MLLT1: variants seen among roughly 807,000 people sequenced by gnomAD.
The protein encoded by MLLT1 is protein ENL.
MLLT1 carries 11 observed loss-of-function variants against 55.1 expected under a neutral mutation model. That is an observed-to-expected ratio of 0.20 (90% CI 0.13 to 0.33). The LOEUF (loss-of-function observed/expected upper bound fraction) is 0.33. Ranked by LOEUF, MLLT1 falls within the 10% of genes least tolerant of loss-of-function variation. The pLI is 1.00. For missense variants in MLLT1, 536 were observed against 760.6 expected (o/e 0.70, Z 3.47); for synonymous variants, 323 against 320.1 (o/e 1.01, Z -0.10).
At position 6,262,820 on chromosome 19, in the gene MLLT1, T is replaced by C. The variant is rs1234547299; in HGVS notation, c.194-510A>G. 6.6e-6 allele frequency among the ~76,000 whole-genome samples: 1 copy of C among 151,918 alleles called. No homozygotes were observed. Among genetic ancestry groups the C allele is most frequent in the Non-Finnish European group, 1.5e-5 (1 of 67,988 alleles). On this transcript the variant is annotated intron_variant, in intron 2 of 11. Transcript: ENST00000252674. The surrounding 1 kb of genome is among the most constrained non-coding windows in gnomAD (Gnocchi z 4.4). ...TGGCTGGGACCCTCCTCCTGGGTTC[T>C]AGTTTAGCACCTAATAAGAGCATTC...
At position 6,273,906 on chromosome 19, in the gene MLLT1, G is replaced by A. The variant is rs1343281736; in HGVS notation, c.13-3147C>T. Among the ~76,000 whole-genome samples, 3 of 152,242 alleles carry A rather than the reference G, an allele frequency of 2.0e-5. No individual in the cohort carries two copies. Among genetic ancestry groups the A allele is most frequent in the Non-Finnish European group, 2.9e-5 (2 of 68,046 alleles). ...AGGCGGCAGAGCAGTTATTGTGAAA[G>A]AGTGAAAGACCGCGGTTCCACTGGA... On this transcript the variant is annotated intron_variant, in intron 1 of 11. Transcript: ENST00000252674. This position sits in a 1 kb window ranked among gnomAD's most constrained non-coding sequence, Gnocchi z 4.3.
intron 3 of MLLT1, among the ~76,000 whole-genome samples, chr19:6,249,858 A>G (rs1403793780): frequency 6.6e-6 from 1 of 152,110 alleles, no homozygotes; most frequent in East Asian, 1.9e-4. Flanking sequence ...CCTCATCTCT[A>G]CAAAAATACA....
intron 8 of MLLT1, among the ~76,000 whole-genome samples, chr19:6,214,888 C>A (rs2090823906): frequency 6.6e-6 from 1 of 152,206 alleles, no homozygotes; most frequent in South Asian, 2.1e-4. Context: ...CTGTTCCTGG[C>A]CTGCTCCTGC....
intron 8 of MLLT1, among the ~76,000 whole-genome samples, chr19:6,216,179 GCAGCCCTTGAGGC>G (rs766201991): frequency 8.5e-5 from 13 of 152,114 alleles, no homozygotes; most frequent in Non-Finnish European, 1.6e-4. Context: ...CCAGATGGGG[GCAGCCCTTGAGGC>G]CCTCAGCCTC....
rs1021622130 is a variant in MLLT1 at position 6,235,971 on chromosome 19, T to G, written c.277-5258A>C. Among the ~76,000 whole-genome samples the G allele has an allele frequency of 6.6e-6, 1 of 152,152 alleles. No individual in the cohort carries two copies. The highest frequency in any genetic ancestry group is 1.5e-5 in the Non-Finnish European group (1 of 68,032). On this transcript the variant is annotated intron_variant, in intron 3 of 11. Transcript: ENST00000252674. The surrounding 1 kb of genome is among the most constrained non-coding windows in gnomAD (Gnocchi z 5.5). ...CCTTACAGTCCAAAGCATGTCTGTC[T>G]TCTGTCCCAGCATCCCACTGACCCA...
chr19:6,262,633 C>T lies in MLLT1; in HGVS notation c.194-323G>A, dbSNP rs2091315307. 1.3e-5 allele frequency among the ~76,000 whole-genome samples: 2 copies of T among 152,150 alleles called. No homozygotes were observed. The highest frequency in any genetic ancestry group is 2.9e-5 in the Non-Finnish European group (2 of 68,012). On this transcript the variant is annotated intron_variant, in intron 2 of 11. Transcript: ENST00000252674. The surrounding 1 kb of genome is among the most constrained non-coding windows in gnomAD (Gnocchi z 4.4). ...AGGAGGCTGAGGCCAGAGAAGGCTG[C>T]ACAAGTTTGCCCGACTCAGGTGGAT... is the stretch of plus-strand genomic sequence containing the variant.
In MLLT1 at chr19:6,222,398, G is replaced by A; in HGVS notation, c.833C>T (p.Pro278Leu). ...PKGGPPPPPP[P>L]PPRASSKRPA... ...CCGCTTGCTGGAAGCCCGGGGTGGG[G>A]GTGGGGGTGGGGGTGGGGGCCCACC... Residue 278 changes from proline (P) to leucine (L), a missense_variant, in exon 6 of 12, where the codon CCC becomes CTC. This residue lies in a region of MLLT1 where 449 missense variants were observed against 489.0 expected (regional missense o/e 0.92). Coordinates refer to ENST00000252674, the MANE Select transcript of MLLT1 (RefSeq NM_005934.4). The surrounding 1 kb of genome is among the most constrained non-coding windows in gnomAD (Gnocchi z 4.1). The A allele has an allele frequency of 1.6e-5, 13 of 816,682 alleles. No homozygotes were observed. Among genetic ancestry groups the A allele is most frequent in the African/African-American group, 1.9e-5 (1 of 53,962 alleles). 50.6% of individuals were successfully genotyped at this position (816,682 alleles called of 1,614,324 possible).
In MLLT1 at chr19:6,240,863, C is replaced by T. The variant is rs564445659; in HGVS notation, c.277-10150G>A. 6.6e-6 allele frequency among the ~76,000 whole-genome samples: 1 copy of T among 152,158 alleles called. No homozygotes were observed. The highest frequency in any genetic ancestry group is 1.5e-5 in the Non-Finnish European group (1 of 68,038). On this transcript the variant is annotated intron_variant, in intron 3 of 11. Transcript: ENST00000252674. The surrounding 1 kb of genome is among the most constrained non-coding windows in gnomAD (Gnocchi z 4.7). ...GCAATTAGAAACCAAAAGGAGGAGG[C>T]AGAAATGCAGACACCACATTTTAAA...
Position 6,273,123 on chromosome 19 carries a change from G to A in MLLT1, c.13-2364C>T, listed in dbSNP as rs554876044. 1.5e-3 allele frequency among the ~76,000 whole-genome samples: 224 copies of A among 152,112 alleles called. No homozygotes were observed. Among genetic ancestry groups the A allele is most frequent in the African/African-American group, 5.1e-3 (212 of 41,478 alleles). ...AGGCCGGAGACAAAAGAAATAACCC[G>A]TCGTCATAAGTGGCTGACAGATATG... is the stretch of plus-strand genomic sequence containing the variant. On this transcript the variant is annotated intron_variant, in intron 1 of 11. Coordinates refer to ENST00000252674, the MANE Select transcript of MLLT1 (RefSeq NM_005934.4). The surrounding 1 kb of genome is among the most constrained non-coding windows in gnomAD (Gnocchi z 4.3).
chr19:6,275,190 C>T (rs2091421916), intron 1 of MLLT1, among the ~76,000 whole-genome samples: 1 of 152,244 alleles, frequency 6.6e-6, no homozygotes, highest in East Asian at 1.9e-4. Context: ...TCAATAGATG[C>T]CCTTCCTCTG....
chr19:6,215,795 G>A (rs549132686), intron 8 of MLLT1, among the ~76,000 whole-genome samples: 11 of 152,280 alleles, frequency 7.2e-5, no homozygotes, highest in South Asian at 2.1e-4. Flanking sequence ...CTGTGTGCCC[G>A]GGGCCAAGGC....
In MLLT1 at chr19:6,214,026, G is replaced by A. The variant is rs759791605; in HGVS notation, c.1320C>T (p.Ser440=). 9.7e-6 allele frequency: 14 copies of A among 1,446,466 alleles called. No individual in the cohort carries two copies. Among genetic ancestry groups the A allele is most frequent in the African/African-American group, 1.4e-5 (1 of 69,806 alleles). The allele number at this position is 1,446,466 out of a possible 1,614,324, so 89.6% of individuals were successfully genotyped here. A position where few individuals can be genotyped will look rare whatever the true frequency, so the allele number is the denominator to read the frequency against. ...NPGRDSRLSF[S]DSESDNSADS... ...CGGCGCTGTTGTCACTCTCGCTGTCGCTGAAGCTCAACCTGAACCGACACA... is the reference window on the plus strand; with the variant it reads ...CGGCGCTGTTGTCACTCTCGCTGTCACTGAAGCTCAACCTGAACCGACACA... Residue 440 remains serine, a synonymous_variant, in exon 9 of 12, where the codon AGC becomes AGT. Coordinates refer to ENST00000252674, the MANE Select transcript of MLLT1 (RefSeq NM_005934.4).
chr19:6,227,447 C>T lies in MLLT1; in HGVS notation c.421-345G>A, dbSNP rs1039296572. On this transcript the variant is annotated intron_variant, in intron 4 of 11. Transcript: ENST00000252674. The surrounding 1 kb of genome is among the most constrained non-coding windows in gnomAD (Gnocchi z 5.1). ...GCAGCTGCGGCCGAAGCCTGACCTA[C>T]GCGCTTAGGTTTAGGGGGAACAGCT... 2.0e-5 allele frequency among the ~76,000 whole-genome samples: 3 copies of T among 152,220 alleles called. No individual in the cohort carries two copies. Among genetic ancestry groups the T allele is most frequent in the Non-Finnish European group, 2.9e-5 (2 of 68,032 alleles).
chr19:6,219,790 A>G lies in MLLT1; in HGVS notation c.1111-1749T>C, dbSNP rs1460706292. Among the ~76,000 whole-genome samples the G allele has an allele frequency of 2.0e-5, 3 of 152,178 alleles. No individual in the cohort carries two copies. Among genetic ancestry groups the G allele is most frequent in the Non-Finnish European group, 4.4e-5 (3 of 68,032 alleles). On this transcript the variant is annotated intron_variant, in intron 6 of 11. Coordinates refer to ENST00000252674, the MANE Select transcript of MLLT1 (RefSeq NM_005934.4). The surrounding 1 kb of genome is among the most constrained non-coding windows in gnomAD (Gnocchi z 4.5). ...GGCTGCACAAGGTCAGCAGGGATGG[A>G]AGCAGAGAGGATGCTGAGCCCCGAG...
chr19:6,214,366 A>T (rs533400427), intron 8 of MLLT1, among the ~76,000 whole-genome samples: 11 of 152,312 alleles, frequency 7.2e-5, no homozygotes, highest in Non-Finnish European at 1.3e-4. Flanking sequence ...TGTGGCTTTA[A>T]CAAGGGGAGG....
At chr19:6,279,518 T>TG (rs927698921) in intron 1 of MLLT1, among the ~76,000 whole-genome samples, 20 of 151,050 alleles carry the variant, frequency 1.3e-4, no homozygotes, top group Non-Finnish European at 2.4e-4. Flanking sequence ...CGAGCCAGGC[T>TG]GGGGGGTCAC....
chr19:6,225,156 GC>G (rs2090943354), intron 5 of MLLT1, among the ~76,000 whole-genome samples: 1 of 152,216 alleles, frequency 6.6e-6, no homozygotes, highest in Admixed American at 6.5e-5. Context: ...AGAGGGTCCT[GC>G]CCCCTCTATG....
intron 1 of MLLT1, among the ~76,000 whole-genome samples, chr19:6,278,432 T>G (rs1231525454): frequency 1.2e-5 from 1 of 81,572 alleles, no homozygotes; most frequent in South Asian, 4.1e-4. Flanking sequence ...TTTAGGGAGG[T>G]TGGGGAACCC....
At chr19:6,218,280 C>T (rs1400271396) in intron 6 of MLLT1, among the ~76,000 whole-genome samples, 3 of 152,222 alleles carry the variant, frequency 2.0e-5, no homozygotes, top group African/African-American at 4.8e-5. Flanking sequence ...TCTGGGTTTC[C>T]GGTAGCGCCA....
Sources: allele counts gnomAD v4.1 joint callset (sites outside exome capture counted in the v4.1 genomes callset), GRCh38; gene constraint gnomAD v4.1.1; regional missense constraint gnomAD v4.1.1; non-coding constraint Gnocchi (gnomAD v3.1); transcripts MANE v1.5; gene names NCBI Gene and HGNC (gene_info 2026-07-23, HGNC 2026-07-21).